The following ZNF486 variants were observed in gnomAD, a reference collection of about 807,000 sequenced individuals.
The protein encoded by ZNF486 is zinc finger protein 486.
A neutral mutation model predicts 12.8 loss-of-function variants in ZNF486; 12 were observed. The observed-to-expected ratio is 0.94, with a 90% confidence interval of 0.60 to 1.52. ZNF486 has a LOEUF of 1.52. ZNF486 is among the 40% of genes most tolerant of loss of function. The probability of loss-of-function intolerance (pLI) is 0.00; values close to 1 mark genes in which losing one functional copy is unlikely to be tolerated. For synonymous variants in ZNF486, 231 were observed against 184.9 expected (o/e 1.25, Z -2.02); for missense variants, 738 against 545.0 (o/e 1.35, Z -3.53).
intron 1 of ZNF486, among the ~76,000 whole-genome samples, chr19:20,168,638 C>T (rs1160217829): frequency 6.7e-6 from 1 of 148,604 alleles, no homozygotes; most frequent in Non-Finnish European, 1.5e-5. Context: ...TGGGCAACAA[C>T]AGCGAAACTC....
At chr19:20,180,050 T>C (rs2089767724) in intron 1 of ZNF486, among the ~76,000 whole-genome samples, 1 of 152,182 alleles carries the variant, frequency 6.6e-6, no homozygotes, top group African/African-American at 2.4e-5. Flanking sequence ...TCAGCCTGAG[T>C]TTCTCCAGAT....
intron 1 of ZNF486, among the ~76,000 whole-genome samples, chr19:20,182,544 A>G (rs1555715736): frequency 6.6e-6 from 1 of 152,190 alleles, no homozygotes; most frequent in Non-Finnish European, 1.5e-5. Context: ...AAAGGAGTTA[A>G]GTTCCACCTT....
At position 20,198,792 on chromosome 19, in the gene ZNF486, G is replaced by A. The variant is rs781834777; in HGVS notation, c.*690G>A. 6.6e-6 allele frequency: 1 copy of A among 152,314 alleles called. No individual in the cohort carries two copies. Among genetic ancestry groups the A allele is most frequent in the Non-Finnish European group, 1.5e-5 (1 of 68,124 alleles). 9.4% of individuals were successfully genotyped at this position (152,314 alleles called of 1,614,324 possible). A position where few individuals can be genotyped will look rare whatever the true frequency, so the allele number is the denominator to read the frequency against. On this transcript the variant is annotated 3_prime_UTR_variant, in exon 4 of 4. Coordinates refer to ENST00000335117, the MANE Select transcript of ZNF486 (RefSeq NM_052852.4). ...TCGCCTCGGCTTCCTAAAGTGCTGGGATGACAGGCATGAGCCTCAATTCCC... is the reference window on the plus strand; with the variant it reads ...TCGCCTCGGCTTCCTAAAGTGCTGGAATGACAGGCATGAGCCTCAATTCCC...
Position 20,197,048 on chromosome 19 carries a change from A to G in ZNF486, c.338A>G (p.Glu113Gly), listed in dbSNP as rs896799207. 3 of 1,610,988 alleles carry G rather than the reference A, an allele frequency of 1.9e-6. No homozygotes were observed. The highest frequency in any genetic ancestry group is 2.5e-6 in the Non-Finnish European group (3 of 1,179,324). Residue 113 changes from glutamate (E) to glycine (G), a missense_variant, in exon 4 of 4, where the codon GAA (glutamate) becomes GGA (glycine). Coordinates refer to ENST00000335117, the MANE Select transcript of ZNF486 (RefSeq NM_052852.4). ...SYQKVILRKF[E>G]KCGHGNLHFK... ...CAAAAAGTGATACTGAGAAAATTTG[A>G]AAAATGTGGACATGGCAATTTACAC...
chr19:20,195,961 GATGT>G (rs2089954412), intron 3 of ZNF486, among the ~76,000 whole-genome samples: 1 of 152,124 alleles, frequency 6.6e-6, no homozygotes, highest in African/African-American at 2.4e-5. Flanking sequence ...GACAAATAAA[GATGT>G]ATGTGCCAAT....
At chr19:20,188,328 T>C (rs782775818) in intron 3 of ZNF486, 9 of 397,446 alleles carry the variant, frequency 2.3e-5, no homozygotes, top group African/African-American at 6.2e-5. Flanking sequence ...TTTTCAGTTT[T>C]TCTTTAAAAA....
At chr19:20,185,593 A>G (rs1555716281) in intron 2 of ZNF486, among the ~76,000 whole-genome samples, 4 of 151,482 alleles carry the variant, frequency 2.6e-5, no homozygotes. Flanking sequence ...GTATTTTAGT[A>G]GAAATGGGGT....
chr19:20,181,519 G>A (rs1395592944), intron 1 of ZNF486, among the ~76,000 whole-genome samples: 3 of 147,958 alleles, frequency 2.0e-5, no homozygotes, highest in Admixed American at 1.3e-4. Context: ...AGCCTGGGTG[G>A]CAGCGAGACT....
At chr19:20,181,261 C>T (rs782391307) in intron 1 of ZNF486, among the ~76,000 whole-genome samples, 8 of 151,750 alleles carry the variant, frequency 5.3e-5, no homozygotes, top group South Asian at 4.2e-4. Context: ...AAAAATAGTC[C>T]GGGCGCGGTG....
Position 20,198,190 on chromosome 19 carries a change from C to T in ZNF486, c.*88C>T, listed in dbSNP as rs2089980728. 2 of 1,191,340 alleles carry T rather than the reference C, an allele frequency of 1.7e-6. No homozygotes were observed. The highest frequency in any genetic ancestry group is 2.3e-6 in the Non-Finnish European group (2 of 858,754). 73.8% of individuals were successfully genotyped at this position (1,191,340 alleles called of 1,614,324 possible). Reference sequence around the variant, plus strand: ...GGAGTGCAATGGCATAATTTTGGCTCACCACAACCTCCACCTTCTGGGTTC... The same window carrying T: ...GGAGTGCAATGGCATAATTTTGGCTTACCACAACCTCCACCTTCTGGGTTC... On this transcript the variant is annotated 3_prime_UTR_variant, in exon 4 of 4. Transcript: ENST00000335117.
intron 3 of ZNF486, 117 bp downstream of exon 3, chr19:20,186,199 C>T: frequency 1.7e-6 from 1 of 595,556 alleles, no homozygotes; most frequent in Non-Finnish European, 2.7e-6. Context: ...GAAATAGTTC[C>T]TGGGCAGCTG....
intron 3 of ZNF486, among the ~76,000 whole-genome samples, chr19:20,187,896 G>A (rs560034676): frequency 1.6e-4 from 24 of 152,216 alleles, no homozygotes; most frequent in African/African-American, 5.3e-4. Context: ...TGGAGAGGGG[G>A]TGTAGCTTGG....
chr19:20,173,693 G>A (rs569845392), intron 1 of ZNF486, among the ~76,000 whole-genome samples: 56 of 152,096 alleles, frequency 3.7e-4, no homozygotes, highest in Non-Finnish European at 5.6e-4. Flanking sequence ...TTAGTCAGGC[G>A]TGGTGGCGGG....
intron 1 of ZNF486, among the ~76,000 whole-genome samples, chr19:20,172,041 G>C (rs2089653727): frequency 7.1e-6 from 1 of 141,172 alleles, no homozygotes; most frequent in African/African-American, 2.7e-5. Flanking sequence ...TTTTGCTCTT[G>C]TTGTCCAGGC....
At chr19:20,193,298 CTTT>C (rs782490115) in intron 3 of ZNF486, among the ~76,000 whole-genome samples, 1 of 142,782 alleles carries the variant, frequency 7.0e-6, no homozygotes. Context: ...TATGTACCAT[CTTT>C]TTTTTTTTTT....
At chr19:20,183,609 C>T (rs1390243891) in intron 1 of ZNF486, among the ~76,000 whole-genome samples, 4 of 152,116 alleles carry the variant, frequency 2.6e-5, no homozygotes, top group Non-Finnish European at 5.9e-5. Flanking sequence ...AAAAATTTAT[C>T]GTAGTGCAGT....
chr19:20,196,827 A>G, intron 3 of ZNF486, 137 bp from the exon 4 acceptor site: 1 of 1,171,866 alleles, frequency 8.5e-7, no homozygotes, highest in East Asian at 2.7e-5. Flanking sequence ...TTATATGTCC[A>G]GGAAGAAATT....
At chr19:20,172,324 A>T (rs1298098421) in intron 1 of ZNF486, among the ~76,000 whole-genome samples, 26 of 140,096 alleles carry the variant, frequency 1.9e-4, no homozygotes, top group African/African-American at 7.8e-4. Flanking sequence ...TTTTTTTTTG[A>T]GAGAGAGTTT....
chr19:20,171,627 C>A (rs1024818672), intron 1 of ZNF486, among the ~76,000 whole-genome samples: 10 of 152,222 alleles, frequency 6.6e-5, no homozygotes, highest in Non-Finnish European at 8.8e-5. Context: ...AGAAATAAAT[C>A]AGAGTACAGC....
Sources: gnomAD v4.1 joint callset for allele counts (sites outside exome capture counted in the v4.1 genomes callset) on GRCh38, gnomAD v4.1.1 for gene constraint, MANE v1.5 for transcripts, NCBI Gene and HGNC (gene_info 2026-07-23, HGNC 2026-07-21) for gene names.